FAM168B: variants seen among roughly 807,000 people sequenced by gnomAD.
FAM168B encodes the protein family with sequence similarity 168 member B.
Under a neutral mutation model 21.8 loss-of-function variants are expected in FAM168B, and 19 were observed. The ratio of observed to expected loss-of-function variants is 0.87; its 90% CI spans 0.61 to 1.28. FAM168B has a LOEUF of 1.28. FAM168B is among the 50% of genes most tolerant of loss of function. FAM168B has a pLI of 0.00. For synonymous variants in FAM168B, 126 were observed against 104.8 expected (o/e 1.20, Z -1.24); for missense variants, 233 against 263.1 (o/e 0.89, Z 0.79).
Position 131,050,779 on chromosome 2 carries a change from CCT to C in FAM168B, c.*1684_*1685del, listed in dbSNP as rs1424374143. The C allele has an allele frequency of 1.0e-6, 1 of 985,308 alleles. No homozygotes were observed. Among genetic ancestry groups the C allele is most frequent in the Non-Finnish European group, 1.2e-6 (1 of 829,958 alleles). The allele number at this position is 985,308 out of a possible 1,614,324, so 61.0% of individuals were successfully genotyped here. A position where few individuals can be genotyped will look rare whatever the true frequency, so the allele number is the denominator to read the frequency against. ...GGGCATCCTCACTGGGCGCCAGTGC[CCT>C]GACCCAGCTACCAGCAAATGAAGAG... On this transcript the variant is annotated 3_prime_UTR_variant, in exon 7 of 7. Transcript: ENST00000389915.
chr2:131,078,225 G>C (rs1478790453), intron 2 of FAM168B, among the ~76,000 whole-genome samples: 1 of 152,198 alleles, frequency 6.6e-6, no homozygotes, highest in African/African-American at 2.4e-5. Flanking sequence ...AGAGACTGCA[G>C]TTAGCAAACA....
chr2:131,091,860 T>C (rs1694047216), intron 1 of FAM168B, among the ~76,000 whole-genome samples: 1 of 151,196 alleles, frequency 6.6e-6, no homozygotes, highest in Non-Finnish European at 1.5e-5. Flanking sequence ...CCAGGCGCGG[T>C]GGCTCACGTC....
chr2:131,067,179 C>A (rs1692608575), intron 3 of FAM168B, among the ~76,000 whole-genome samples: 2 of 152,274 alleles, frequency 1.3e-5, no homozygotes, highest in East Asian at 3.9e-4. Flanking sequence ...CAAACCATAT[C>A]ACCACCACTC....
chr2:131,048,759 G>A lies in FAM168B; in HGVS notation c.*3706C>T, dbSNP rs1691455923. ...GAAATACGTGCTCTGCCTTCCCCCAGGCCAACCACACTCTGCTTTAGAGAC... is the reference window on the plus strand; with the variant it reads ...GAAATACGTGCTCTGCCTTCCCCCAAGCCAACCACACTCTGCTTTAGAGAC... On this transcript the variant is annotated 3_prime_UTR_variant, in exon 7 of 7. Transcript: ENST00000389915. 2.0e-6 allele frequency: 2 copies of A among 986,710 alleles called. No homozygotes were observed. Among genetic ancestry groups the A allele is most frequent in the Non-Finnish European group, 2.4e-6 (2 of 830,662 alleles). The allele number at this position is 986,710 out of a possible 1,614,324, so 61.1% of individuals were successfully genotyped here.
chr2:131,049,108 C>CG lies in FAM168B; in HGVS notation c.*3356dup. 5.1e-6 allele frequency: 5 copies of CG among 985,434 alleles called. No individual in the cohort carries two copies. Among genetic ancestry groups the CG allele is most frequent in the Non-Finnish European group, 6.0e-6 (5 of 829,936 alleles). 61.0% of individuals were successfully genotyped at this position (985,434 alleles called of 1,614,324 possible). On this transcript the variant is annotated 3_prime_UTR_variant, in exon 7 of 7. Coordinates refer to ENST00000389915, the MANE Select transcript of FAM168B (RefSeq NM_001009993.4). ...ACTCACAGGTGCCTTACATACCTTA[C>CG]GGGGGCCAACACTGACAGGTATTAG...
chr2:131,072,359 G>C (rs1052868089), intron 2 of FAM168B, among the ~76,000 whole-genome samples: 6 of 151,870 alleles, frequency 4.0e-5, no homozygotes, highest in Admixed American at 6.6e-5. Flanking sequence ...CCTGATTTCA[G>C]TTGATCCACC....
At chr2:131,055,229 T>G (rs376238800) in intron 5 of FAM168B, 43 bp downstream of exon 5, 41 of 1,447,610 alleles carry the variant, frequency 2.8e-5, no homozygotes, top group Admixed American at 8.3e-5. Flanking sequence ...CCCCCAGCTC[T>G]AGGGTACACC....
intron 2 of FAM168B, among the ~76,000 whole-genome samples, chr2:131,076,857 C>G (rs1656180496): frequency 6.8e-6 from 1 of 147,906 alleles, no homozygotes; most frequent in Non-Finnish European, 1.5e-5. Context: ...AATCAATAGA[C>G]ACAGATACAC....
At chr2:131,076,210 C>T (rs1012187633) in intron 2 of FAM168B, among the ~76,000 whole-genome samples, 2 of 152,212 alleles carry the variant, frequency 1.3e-5, no homozygotes, top group East Asian at 3.9e-4. Context: ...CTGTTTCTTC[C>T]TATTCCTGAT....
chr2:131,072,626 T>G (rs139308414), intron 2 of FAM168B, among the ~76,000 whole-genome samples: 1 of 151,734 alleles, frequency 6.6e-6, no homozygotes. Context: ...GCCCAGCTAA[T>G]TTTTGTATTT....
At chr2:131,070,430 T>C (rs1486872080) in intron 3 of FAM168B, among the ~76,000 whole-genome samples, 1 of 152,188 alleles carries the variant, frequency 6.6e-6, no homozygotes, top group Non-Finnish European at 1.5e-5. Flanking sequence ...GAACGACAAC[T>C]CACAAACACT....
chr2:131,072,248 C>T (rs1412263843), intron 2 of FAM168B, among the ~76,000 whole-genome samples: 3 of 151,966 alleles, frequency 2.0e-5, no homozygotes, highest in East Asian at 1.9e-4. Flanking sequence ...CTCAGCCTTC[C>T]GAAGAGCTGG....
intron 2 of FAM168B, among the ~76,000 whole-genome samples, chr2:131,074,249 C>G (rs920168110): frequency 6.6e-6 from 1 of 152,178 alleles, no homozygotes; most frequent in African/African-American, 2.4e-5. Context: ...CTGCCTCATC[C>G]TCCCAAGTAG....
intron 2 of FAM168B, among the ~76,000 whole-genome samples, chr2:131,077,528 C>G (rs1236504742): frequency 1.3e-5 from 2 of 152,190 alleles, no homozygotes; most frequent in African/African-American, 4.8e-5. Flanking sequence ...ATAGCCCCCC[C>G]AAAATGTTTA....
chr2:131,075,256 T>C lies in FAM168B; in HGVS notation c.71-3318A>G, dbSNP rs373106790. Among the ~76,000 whole-genome samples, 47 of 149,678 alleles carry C rather than the reference T, an allele frequency of 3.1e-4. No individual in the cohort carries two copies. In the East Asian group the frequency reaches 7.6e-3, roughly 24 times the overall value. On this transcript the variant is annotated intron_variant, in intron 2 of 6. Transcript: ENST00000389915. ...CCAGGGAACCAGCAAGATTTTTTTT[T>C]CCAATGGTTTCCTTCTTTTAAAAAA...
chr2:131,054,928 A>C (rs1691924505), intron 5 of FAM168B, among the ~76,000 whole-genome samples: 1 of 152,166 alleles, frequency 6.6e-6, no homozygotes, highest in Admixed American at 6.5e-5. Context: ...CCCTCAAGGG[A>C]AAGGAAGAAG....
chr2:131,085,174 A>G (rs1476520160), intron 1 of FAM168B, among the ~76,000 whole-genome samples: 1 of 151,926 alleles, frequency 6.6e-6, no homozygotes, highest in African/African-American at 2.4e-5. Flanking sequence ...AAAAAAGTCT[A>G]TTTTTAGGCT....
intron 3 of FAM168B, among the ~76,000 whole-genome samples, chr2:131,063,977 T>C (rs544549390): frequency 6.6e-6 from 1 of 152,074 alleles, no homozygotes; most frequent in East Asian, 1.9e-4. Context: ...CCCAAAAATA[T>C]ACACTGCCTC....
chr2:131,092,360 C>A (rs909144373), intron 1 of FAM168B, among the ~76,000 whole-genome samples: 1 of 151,594 alleles, frequency 6.6e-6, no homozygotes, highest in African/African-American at 2.4e-5. Context: ...AAATAACCCA[C>A]TCCTTCATCT....
Sources: gnomAD v4.1 joint callset for allele counts (sites outside exome capture counted in the v4.1 genomes callset) on GRCh38, gnomAD v4.1.1 for gene constraint, MANE v1.5 for transcripts, NCBI Gene and HGNC (gene_info 2026-07-23, HGNC 2026-07-21) for gene names.